The following ZNF592 variants were observed in gnomAD, a reference collection of about 807,000 sequenced individuals.
ZNF592 encodes spinocerebellar ataxia, autosomal recessive 5.
ZNF592 carries 11 observed loss-of-function variants against 80.3 expected under a neutral mutation model. That is an observed-to-expected ratio of 0.14 (90% CI 0.09 to 0.23). ZNF592 has a LOEUF of 0.23. Among genes scored for constraint, ZNF592 ranks in the 10% least tolerant of loss-of-function variants. ZNF592 has a pLI of 1.00. For missense variants in ZNF592, 1,420 were observed against 1,633.9 expected (o/e 0.87, Z 2.26); for synonymous variants, 646 against 640.3 (o/e 1.01, Z -0.13).
intron 1 of ZNF592, among the ~76,000 whole-genome samples, chr15:84,757,528 T>G (rs1460584269): frequency 2.0e-5 from 3 of 152,024 alleles, no homozygotes; most frequent in Non-Finnish European, 4.4e-5. Context: ...ATTTTTTTAT[T>G]TATTTTGTAG....
intron 4 of ZNF592, 76 bp from the exon 5 acceptor site, chr15:84,790,629 A>C: frequency 6.6e-7 from 1 of 1,520,050 alleles, no homozygotes; most frequent in South Asian, 1.1e-5. Flanking sequence ...ATGTACTAGC[A>C]AACCAGACAG....
chr15:84,783,632 T>C lies in ZNF592; in HGVS notation c.957T>C (p.Ser319=). The change falls in exon 4 of 11, where the codon TCT becomes TCC. Residue 319 remains serine, a synonymous_variant. Transcript: ENST00000560079. This position sits in a 1 kb window ranked among gnomAD's most constrained non-coding sequence, Gnocchi z 5.0. ...TCTCAGGGCCCACTAAAGAGAGTTC[T>C]AAAGGTAGCCCCAAAATGCCCAAGT... is the stretch of plus-strand genomic sequence containing the variant. ...KDLSGPTKES[S]KGSPKMPKSP... The C allele has an allele frequency of 1.2e-6, 2 of 1,614,182 alleles. No homozygotes were observed. The highest frequency in any genetic ancestry group is 1.7e-6 in the Non-Finnish European group (2 of 1,180,022).
chr15:84,802,288 G>C lies in ZNF592; in HGVS notation c.3699G>C (p.Arg1233Ser). Residue 1233 changes from arginine (R) to serine (S), a missense_variant, in exon 11 of 11, where the codon AGG becomes AGC. This residue lies in a region of ZNF592 where 145 missense variants were observed against 211.9 expected (regional missense o/e 0.68). Coordinates refer to ENST00000560079, the MANE Select transcript of ZNF592 (RefSeq NM_014630.3). ...CTTTGTCAGCTGACCCAGAGGCGAG[G>C]AGATTGCTGGGCCCGGCCCCTGAGG... ...GEPLSADPEA[R>S]RLLGPAPEDD... 1 of 1,612,790 alleles carries C rather than the reference G, an allele frequency of 6.2e-7. No homozygotes were observed. The highest frequency in any genetic ancestry group is 8.5e-7 in the Non-Finnish European group (1 of 1,179,076).
chr15:84,753,188 A>G (rs901638288), intron 1 of ZNF592: 6 of 152,206 alleles, frequency 3.9e-5, no homozygotes, highest in African/African-American at 1.4e-4. Context: ...GAAATAAAAT[A>G]TCAGAAAGGA....
chr15:84,751,935 A>G (rs1163396869), intron 1 of ZNF592, among the ~76,000 whole-genome samples: 1 of 151,736 alleles, frequency 6.6e-6, no homozygotes, highest in Non-Finnish European at 1.5e-5. Context: ...CAACAACAAC[A>G]AAAAAAACTA....
At chr15:84,765,860 A>G (rs1216990800) in intron 2 of ZNF592, among the ~76,000 whole-genome samples, 4 of 152,028 alleles carry the variant, frequency 2.6e-5, no homozygotes, top group Non-Finnish European at 5.9e-5. Context: ...AATAATAGCC[A>G]TCCTGATGAG....
At chr15:84,751,839 A>T (rs1335873813) in intron 1 of ZNF592, among the ~76,000 whole-genome samples, 2 of 152,128 alleles carry the variant, frequency 1.3e-5, no homozygotes, top group Non-Finnish European at 2.9e-5. Flanking sequence ...TGGGAGGTGA[A>T]GGTTGCAGTG....
chr15:84,792,567 C>T (rs758390959), intron 5 of ZNF592, among the ~76,000 whole-genome samples: 2 of 152,116 alleles, frequency 1.3e-5, no homozygotes, highest in African/African-American at 2.4e-5. Flanking sequence ...CCTCCCATCT[C>T]GGCCTCCCAG....
At chr15:84,765,592 G>A (rs1899491078) in intron 2 of ZNF592, among the ~76,000 whole-genome samples, 1 of 135,942 alleles carries the variant, frequency 7.4e-6, no homozygotes, top group Non-Finnish European at 1.5e-5. Flanking sequence ...AGACTGGAGT[G>A]CAGTGATGTG....
At chr15:84,759,554 G>C (rs889918041) in intron 1 of ZNF592, among the ~76,000 whole-genome samples, 7 of 152,108 alleles carry the variant, frequency 4.6e-5, no homozygotes, top group African/African-American at 1.7e-4. Context: ...TGAGTCTAAG[G>C]CTTTTGCATT....
chr15:84,779,352 TA>T (rs1478260684), intron 3 of ZNF592, among the ~76,000 whole-genome samples: 1 of 152,208 alleles, frequency 6.6e-6, no homozygotes, highest in East Asian at 1.9e-4. Flanking sequence ...AAGGTTCAAG[TA>T]AATATAAACA....
intron 1 of ZNF592, among the ~76,000 whole-genome samples, chr15:84,756,736 T>A (rs80162832): frequency 2.6e-5 from 4 of 152,200 alleles, no homozygotes; most frequent in Non-Finnish European, 5.9e-5. Context: ...AAAAATATTA[T>A]ATATATTTTT....
intron 3 of ZNF592, among the ~76,000 whole-genome samples, chr15:84,778,975 A>G (rs1460194183): frequency 6.6e-6 from 1 of 152,210 alleles, no homozygotes; most frequent in Admixed American, 6.5e-5. Context: ...ATGCCGGTTT[A>G]GAGAAAACAA....
At position 84,797,978 on chromosome 15, in the gene ZNF592, A is replaced by C; in HGVS notation, c.2509A>C (p.Lys837Gln). Residue 837 changes from lysine to glutamine, a missense_variant, in exon 6 of 11, where the codon AAG becomes CAG. Coordinates refer to ENST00000560079, the MANE Select transcript of ZNF592 (RefSeq NM_014630.3). Reference sequence around the variant, plus strand: ...ATGTGCATTCTGCCCCATGGCCTTCAAGACTGCCAGCAGCACTGCAGACCA... The same window carrying C: ...ATGTGCATTCTGCCCCATGGCCTTCCAGACTGCCAGCAGCACTGCAGACCA... ...HKCAFCPMAFKTASSTADHSA... is the reference protein window; with the variant it reads ...HKCAFCPMAFQTASSTADHSA... The C allele has an allele frequency of 6.2e-7, 1 of 1,614,156 alleles. No individual in the cohort carries two copies. The highest frequency in any genetic ancestry group is 8.5e-7 in the Non-Finnish European group (1 of 1,180,034).
intron 1 of ZNF592, among the ~76,000 whole-genome samples, chr15:84,755,300 T>C (rs569203875): frequency 8.6e-5 from 13 of 151,762 alleles, no homozygotes; most frequent in African/African-American, 3.1e-4. Flanking sequence ...TTTTTTTAAT[T>C]TTTTTTTATT....
chr15:84,785,334 C>T (rs540126151), intron 4 of ZNF592, among the ~76,000 whole-genome samples: 165 of 150,730 alleles, frequency 1.1e-3, no homozygotes, highest in Non-Finnish European at 1.8e-3. Context: ...TTTCTTGAGA[C>T]GGAGTCTCAC....
At position 84,802,039 on chromosome 15, in the gene ZNF592, C is replaced by T. The variant is rs1963109863; in HGVS notation, c.3450C>T (p.Ser1150=). The T allele has an allele frequency of 2.5e-6, 4 of 1,613,922 alleles. No homozygotes were observed. The highest frequency in any genetic ancestry group is 3.4e-6 in the Non-Finnish European group (4 of 1,179,870). ...QSHIPQHQVD[S]STAQCLLCGL... The stretch of plus-strand genomic sequence containing the variant: ...ACATACCTCAGCACCAGGTGGACAG[C>T]TCCACAGCCCAATGTCTCCTCTGTG... Residue 1150 remains serine (S), a synonymous_variant, in exon 11 of 11, where the codon AGC becomes AGT. Transcript: ENST00000560079.
intron 1 of ZNF592, among the ~76,000 whole-genome samples, chr15:84,751,083 C>T (rs1184898086): frequency 6.6e-6 from 1 of 152,162 alleles, no homozygotes; most frequent in Non-Finnish European, 1.5e-5. Flanking sequence ...TTGGAAAAGC[C>T]TCAAGCAGTC....
intron 2 of ZNF592, among the ~76,000 whole-genome samples, chr15:84,766,899 A>G (rs1427070032): frequency 1.3e-5 from 2 of 151,968 alleles, no homozygotes; most frequent in African/African-American, 4.8e-5. Flanking sequence ...TCAGTTTAGG[A>G]AGCTTTGGAA....
Sources: allele counts gnomAD v4.1 joint callset (sites outside exome capture counted in the v4.1 genomes callset), GRCh38; gene constraint gnomAD v4.1.1; regional missense constraint gnomAD v4.1.1; non-coding constraint Gnocchi (gnomAD v3.1); transcripts MANE v1.5; gene names NCBI Gene and HGNC (gene_info 2026-07-23, HGNC 2026-07-21).